The following GNA11 variants were observed in gnomAD, a reference collection of about 807,000 sequenced individuals.
The protein encoded by GNA11 is guanine nucleotide-binding protein subunit alpha-11.
Under a neutral mutation model 38.2 loss-of-function variants are expected in GNA11, and 8 were observed. That is an observed-to-expected ratio of 0.21 (90% CI 0.12 to 0.38). GNA11 has a LOEUF of 0.38. Among genes scored for constraint, GNA11 ranks in the 10% least tolerant of loss-of-function variants. The pLI, the probability that GNA11 is intolerant of heterozygous loss-of-function variation, is 1.00. For synonymous variants in GNA11, 211 were observed against 221.4 expected (o/e 0.95, Z 0.42); for missense variants, 268 against 516.3 (o/e 0.52, Z 4.66).
At chr19:3,114,083 C>G (rs1204600969) in intron 3 of GNA11, among the ~76,000 whole-genome samples, 1 of 152,142 alleles carries the variant, frequency 6.6e-6, no homozygotes, top group African/African-American at 2.4e-5. Context: ...CCTCCCCCAG[C>G]ACCGGGAGAG....
In GNA11 at chr19:3,119,050, C is replaced by T. The variant is rs752549242; in HGVS notation, c.732C>T (p.Asn244=). The T allele has an allele frequency of 1.3e-5, 21 of 1,613,626 alleles. No individual in the cohort carries two copies. Among genetic ancestry groups the T allele is most frequent in the Admixed American group, 5.0e-5 (3 of 60,002 alleles). Residue 244 remains asparagine (N), a synonymous_variant, in exon 5 of 7, where the codon AAC becomes AAT. Coordinates refer to ENST00000078429, the MANE Select transcript of GNA11 (RefSeq NM_002067.5). The surrounding 1 kb of genome is among the most constrained non-coding windows in gnomAD (Gnocchi z 4.6). ...ACCAAGTCCTGGTGGAGTCGGACAA[C>T]GAGGTGGGCCCTGCCCTGAGCAGGG... The part of the protein sequence containing the change: ...EYDQVLVESD[N]ENRMEESKAL...
chr19:3,113,070 G>A (rs534851275), intron 2 of GNA11, among the ~76,000 whole-genome samples: 5 of 152,356 alleles, frequency 3.3e-5, no homozygotes, highest in East Asian at 1.9e-4. Context: ...GAAGTGAATC[G>A]AAGCCCGGCC....
chr19:3,097,184 G>T (rs549696108), intron 1 of GNA11, among the ~76,000 whole-genome samples: 2 of 150,694 alleles, frequency 1.3e-5, no homozygotes, highest in African/African-American at 2.4e-5. Flanking sequence ...GAGGCTCCCC[G>T]GAAGGAAGGG....
At chr19:3,109,827 G>A (rs968252098) in intron 1 of GNA11, among the ~76,000 whole-genome samples, 24 of 152,194 alleles carry the variant, frequency 1.6e-4, no homozygotes, top group Admixed American at 8.5e-4. Flanking sequence ...GGCCGGTGCC[G>A]TGCGACTTGA....
intron 1 of GNA11, among the ~76,000 whole-genome samples, chr19:3,095,705 C>A (rs1599293815): frequency 1.3e-5 from 2 of 152,144 alleles, no homozygotes; most frequent in East Asian, 1.9e-4. Context: ...GCGGTTGACA[C>A]CTGAGGGAGC....
At chr19:3,118,665 C>CCA (rs1390970661) in intron 4 of GNA11, 1 of 455,824 alleles carries the variant, frequency 2.2e-6, no homozygotes, top group East Asian at 3.5e-5. Flanking sequence ...TCTCACACCC[C>CCA]CACACTAGCG....
chr19:3,097,794 C>T (rs763363006), intron 1 of GNA11, among the ~76,000 whole-genome samples: 56 of 152,290 alleles, frequency 3.7e-4, no homozygotes, highest in African/African-American at 1.2e-3. Context: ...CAGGTCTCCC[C>T]GGGGCCCTGT....
Position 3,120,995 on chromosome 19 carries a change from A to C in GNA11, c.896A>C (p.Gln299Pro), listed in dbSNP as rs1439859917. ...ACCCTCTGCCCTCCCCCAGGTCCCC[A>C]GCGGGACGCCCAGGCGGCGCGGGAG... Reference protein sequence around the residue: ...VDYFPEFDGPQRDAQAAREFI... With the variant: ...VDYFPEFDGPPRDAQAAREFI... Residue 299 changes from glutamine (Q) to proline (P), a missense_variant, in exon 7 of 7, where the codon CAG (glutamine) becomes CCG (proline). Transcript: ENST00000078429. The surrounding 1 kb of genome is among the most constrained non-coding windows in gnomAD (Gnocchi z 5.9). 1 of 1,612,232 alleles carries C rather than the reference A, an allele frequency of 6.2e-7. No homozygotes were observed. Among genetic ancestry groups the C allele is most frequent in the Non-Finnish European group, 8.5e-7 (1 of 1,178,920 alleles).
chr19:3,120,531 G>T lies in GNA11; in HGVS notation c.890-458G>T, dbSNP rs1411266362. On this transcript the variant is annotated intron_variant, in intron 6 of 6. Transcript: ENST00000078429. This position sits in a 1 kb window ranked among gnomAD's most constrained non-coding sequence, Gnocchi z 5.9. Reference sequence around the variant, plus strand: ...AGCAGCGCCCCTGCTGGAGCCCCTGGATGTCTCTGAGGCCTGGCTGCAGCA... The same window carrying T: ...AGCAGCGCCCCTGCTGGAGCCCCTGTATGTCTCTGAGGCCTGGCTGCAGCA... Among the ~76,000 whole-genome samples the T allele has an allele frequency of 6.6e-6, 1 of 152,124 alleles. No homozygotes were observed. Among genetic ancestry groups the T allele is most frequent in the African/African-American group, 2.4e-5 (1 of 41,416 alleles).
At chr19:3,114,021 G>A (rs531089597) in intron 3 of GNA11, among the ~76,000 whole-genome samples, 2 of 152,246 alleles carry the variant, frequency 1.3e-5, no homozygotes, top group South Asian at 4.1e-4. Flanking sequence ...AGGCCCCCGC[G>A]TGGCAGGCTG....
Position 3,119,500 on chromosome 19 carries a change from G to A in GNA11, c.889+141G>A. On this transcript the variant is annotated intron_variant, in intron 6 of 6. Coordinates refer to ENST00000078429, the MANE Select transcript of GNA11 (RefSeq NM_002067.5). The surrounding 1 kb of genome is among the most constrained non-coding windows in gnomAD (Gnocchi z 4.6). ...GGGAGGTGTCATGTATGGGAGTGGA[G>A]TCTCAGGGAAGGGAGATCTCGTATG... The A allele has an allele frequency of 1.4e-6, 1 of 707,550 alleles. No homozygotes were observed. Among genetic ancestry groups the A allele is most frequent in the Non-Finnish European group, 2.3e-6 (1 of 429,684 alleles). 43.8% of individuals were successfully genotyped at this position (707,550 alleles called of 1,614,324 possible). A position where few individuals can be genotyped will look rare whatever the true frequency, so the allele number is the denominator to read the frequency against.
At chr19:3,106,718 A>G (rs764016859) in intron 1 of GNA11, among the ~76,000 whole-genome samples, 1 of 152,238 alleles carries the variant, frequency 6.6e-6, no homozygotes, top group African/African-American at 2.4e-5. Context: ...TGCGTGCACC[A>G]TGCACGTGTG....
At chr19:3,096,758 C>CG (rs1913379975) in intron 1 of GNA11, among the ~76,000 whole-genome samples, 1 of 151,058 alleles carries the variant, frequency 6.6e-6, no homozygotes, top group Non-Finnish European at 1.5e-5. Context: ...GCCTGTAAGA[C>CG]GGGAGGTTGC....
rs777740843 is a variant in GNA11 at position 3,119,092 on chromosome 19, GGCCTTCCCCACCTGCCAA to G, written c.735+44_735+61del. The G allele has an allele frequency of 1.2e-6, 2 of 1,609,062 alleles. No individual in the cohort carries two copies. The highest frequency in any genetic ancestry group is 3.3e-5 in the Admixed American group (2 of 59,938). On this transcript the variant is annotated intron_variant, in intron 5 of 6. Coordinates refer to ENST00000078429, the MANE Select transcript of GNA11 (RefSeq NM_002067.5). This position sits in a 1 kb window ranked among gnomAD's most constrained non-coding sequence, Gnocchi z 4.6. ...TGAGCAGGGGCAGCGTTGGGGGCCGGGCCTTCCCCACCTGCCAAGCCTGGGTCCCCTCACCTGGGTCCC... is the reference window on the plus strand; with the variant it reads ...TGAGCAGGGGCAGCGTTGGGGGCCGGGCCTGGGTCCCCTCACCTGGGTCCC...
intron 4 of GNA11, chr19:3,118,196 A>T (rs1043919466): frequency 6.6e-6 from 1 of 151,770 alleles, no homozygotes; most frequent in Non-Finnish European, 1.5e-5. Context: ...CCTGAGGGGC[A>T]CTCTCCGCTT....
At position 3,110,790 on chromosome 19, in the gene GNA11, TG is replaced by T. The variant is rs1162813910; in HGVS notation, c.321+458del. Among the ~76,000 whole-genome samples, 1 of 151,718 alleles carries T rather than the reference TG, an allele frequency of 6.6e-6. No individual in the cohort carries two copies. The highest frequency in any genetic ancestry group is 1.5e-5 in the Non-Finnish European group (1 of 67,870). ...TTCTCACCTTCTCACACTGTTTTTT[TG>T]TTTTGTTTTGTTTTGTTTTGTTTTG... On this transcript the variant is annotated intron_variant, in intron 2 of 6. Transcript: ENST00000078429. This position sits in a 1 kb window ranked among gnomAD's most constrained non-coding sequence, Gnocchi z 5.4.
At chr19:3,100,556 G>A (rs1431460750) in intron 1 of GNA11, among the ~76,000 whole-genome samples, 1 of 152,208 alleles carries the variant, frequency 6.6e-6, no homozygotes, top group Non-Finnish European at 1.5e-5. Context: ...CCTGCAGGCT[G>A]GTCTGGTGCA....
rs113911302 is a variant in GNA11 at position 3,121,467 on chromosome 19, A to G, written c.*288A>G. ...CTCGCTTTTTTCTAAAAAAAAAAAA[A>G]AAAGAAAGAAAGAAAAAAAGCAACG... On this transcript the variant is annotated 3_prime_UTR_variant, in exon 7 of 7. Transcript: ENST00000078429. The G allele has an allele frequency of 2.8e-5, 7 of 248,396 alleles. No individual in the cohort carries two copies. Among genetic ancestry groups the G allele is most frequent in the African/African-American group, 1.1e-4 (5 of 45,556 alleles). The allele number at this position is 248,396 out of a possible 1,614,324, so 15.4% of individuals were successfully genotyped here.
At chr19:3,107,844 A>G (rs1329095115) in intron 1 of GNA11, among the ~76,000 whole-genome samples, 1 of 152,058 alleles carries the variant, frequency 6.6e-6, no homozygotes, top group Non-Finnish European at 1.5e-5. Flanking sequence ...CATCCCCTCC[A>G]TGCCACCGCC....
Sources: gnomAD v4.1 joint callset for allele counts (sites outside exome capture counted in the v4.1 genomes callset) on GRCh38, gnomAD v4.1.1 for gene constraint, Gnocchi (gnomAD v3.1) non-coding constraint, MANE v1.5 for transcripts, NCBI Gene and HGNC (gene_info 2026-07-23, HGNC 2026-07-21) for gene names.